SNX2: variants seen among roughly 807,000 people sequenced by gnomAD.
SNX2 encodes the protein sorting nexin-2.
SNX2 carries 25 observed loss-of-function variants against 69.9 expected under a neutral mutation model. That is an observed-to-expected ratio of 0.36 (90% CI 0.26 to 0.50). The LOEUF (loss-of-function observed/expected upper bound fraction) is 0.50, where lower values mean the gene tolerates loss of function less well. Ranked by LOEUF, SNX2 falls within the 20% of genes least tolerant of loss-of-function variation. SNX2 has a pLI of 0.97. For synonymous variants in SNX2, 229 were observed against 200.4 expected, an observed-to-expected ratio of 1.14 and a Z score of -1.20; for missense variants, 551 against 613.3, an observed-to-expected ratio of 0.90 and a Z score of 1.07.
At chr5:122,808,059 C>T (rs1275087743) in intron 6 of SNX2, among the ~76,000 whole-genome samples, 1 of 151,768 alleles carries the variant, frequency 6.6e-6, no homozygotes, top group Non-Finnish European at 1.5e-5. Context: ...AACATTTTAT[C>T]TGTTCTCTCA....
intron 5 of SNX2, among the ~76,000 whole-genome samples, chr5:122,802,451 G>A (rs953415898): frequency 6.6e-6 from 1 of 152,166 alleles, no homozygotes; most frequent in African/African-American, 2.4e-5. Context: ...AGAAAGCATT[G>A]TGCTTTCTAG....
Position 122,795,303 on chromosome 5 carries a change from C to A in SNX2, c.146C>A (p.Ala49Glu). ...TCTCCAGAACCAGCTAGTCTTCCTG[C>A]AGAAGATATTAGTGCAAACTCCAAT... ...PSSPEPASLP[A>E]EDISANSNGP... Residue 49 changes from alanine to glutamate, a missense_variant, in exon 2 of 15, where the codon GCA (alanine) becomes GAA (glutamate). Coordinates refer to ENST00000379516, the MANE Select transcript of SNX2 (RefSeq NM_003100.4). The A allele has an allele frequency of 6.2e-7, 1 of 1,613,550 alleles. No homozygotes were observed. Among genetic ancestry groups the A allele is most frequent in the Non-Finnish European group, 8.5e-7 (1 of 1,179,570 alleles).
intron 10 of SNX2, among the ~76,000 whole-genome samples, chr5:122,818,340 T>C (rs1239976944): frequency 6.6e-6 from 1 of 152,212 alleles, no homozygotes; most frequent in Non-Finnish European, 1.5e-5. Flanking sequence ...AAAATTTATG[T>C]TAATTGTGTA....
At chr5:122,823,780 G>A (rs1385213416) in intron 11 of SNX2, among the ~76,000 whole-genome samples, 1 of 9,794 alleles carries the variant, frequency 1.0e-4, no homozygotes. Flanking sequence ...ACATGTGGTC[G>A]TGTGTGTGTG....
chr5:122,830,442 C>T lies in SNX2; in HGVS notation c.*794C>T, dbSNP rs944049441. Reference sequence around the variant, plus strand: ...TTTTACAAGTCCCATGGATTTTGTTCATCTTCTCGTTATCTTCAGAATCTC... The same window carrying T: ...TTTTACAAGTCCCATGGATTTTGTTTATCTTCTCGTTATCTTCAGAATCTC... On this transcript the variant is annotated 3_prime_UTR_variant, in exon 15 of 15. Coordinates refer to ENST00000379516, the MANE Select transcript of SNX2 (RefSeq NM_003100.4). Among the ~76,000 whole-genome samples, 3 of 152,136 alleles carry T rather than the reference C, an allele frequency of 2.0e-5. No individual in the cohort carries two copies. Among genetic ancestry groups the T allele is most frequent in the South Asian group, 4.1e-4 (2 of 4,828 alleles).
chr5:122,800,493 T>C (rs1753481690), intron 3 of SNX2, among the ~76,000 whole-genome samples: 1 of 152,184 alleles, frequency 6.6e-6, no homozygotes, highest in Admixed American at 6.5e-5. Flanking sequence ...ATAATTCTAA[T>C]ATATGAACTT....
chr5:122,812,008 C>A (rs1753789219), intron 7 of SNX2, among the ~76,000 whole-genome samples: 1 of 152,046 alleles, frequency 6.6e-6, no homozygotes, highest in Admixed American at 6.5e-5. Flanking sequence ...TTAGGAAATT[C>A]TATTGCTTCT....
At chr5:122,793,016 T>C (rs10063253) in intron 1 of SNX2, among the ~76,000 whole-genome samples, 94,387 of 152,008 alleles carry the variant, frequency 0.62, 29,679 homozygotes, top group African/African-American at 0.7. Context: ...TTTCATATGC[T>C]GCTGGTGGGA....
At chr5:122,823,705 CGTGT>C (rs1391283227) in intron 11 of SNX2, among the ~76,000 whole-genome samples, 1 of 93,574 alleles carries the variant, frequency 1.1e-5, no homozygotes. Flanking sequence ...TTTTGGTGGT[CGTGT>C]GTATGTGGGT....
At chr5:122,802,265 G>A (rs1581634562) in intron 5 of SNX2, 141 bp downstream of exon 5, 1 of 761,438 alleles carries the variant, frequency 1.3e-6, no homozygotes, top group Non-Finnish European at 2.3e-6. Context: ...TAGGTGCAAT[G>A]AGTTGTGAGT....
chr5:122,811,123 G>A (rs1395229253), intron 7 of SNX2, among the ~76,000 whole-genome samples: 12 of 152,072 alleles, frequency 7.9e-5, no homozygotes, highest in Admixed American at 1.3e-4. Flanking sequence ...ATTTTTCTTC[G>A]TATTATTTTA....
chr5:122,797,809 C>T (rs1753417594), intron 2 of SNX2, among the ~76,000 whole-genome samples: 1 of 152,062 alleles, frequency 6.6e-6, no homozygotes, highest in African/African-American at 2.4e-5. Context: ...TTAAATTAAA[C>T]CTTATGAATT....
chr5:122,818,797 A>C, intron 10 of SNX2, 21 bp from the exon 11 acceptor site: 1 of 1,601,190 alleles, frequency 6.2e-7, no homozygotes, highest in Non-Finnish European at 8.5e-7. Flanking sequence ...CTAAAATTGC[A>C]TACTTTTTTT....
Position 122,789,413 on chromosome 5 carries a change from C to T in SNX2, c.109-5853C>T, listed in dbSNP as rs77856875. On this transcript the variant is annotated intron_variant, in intron 1 of 14. Coordinates refer to ENST00000379516, the MANE Select transcript of SNX2 (RefSeq NM_003100.4). Reference sequence around the variant, plus strand: ...CCCCACATTCTTCAGTTTACAAGACCGCCCCACCTTCCCCACCACACACAC... The same window carrying T: ...CCCCACATTCTTCAGTTTACAAGACTGCCCCACCTTCCCCACCACACACAC... Among the ~76,000 whole-genome samples, 232 of 151,130 alleles carry T rather than the reference C, an allele frequency of 1.5e-3. 1 individual carries two copies. Among genetic ancestry groups the T allele is most frequent in the African/African-American group, 5.4e-3 (221 of 41,164 alleles).
intron 1 of SNX2, among the ~76,000 whole-genome samples, chr5:122,787,370 A>T (rs182578999): frequency 5.6e-4 from 86 of 152,244 alleles, no homozygotes; most frequent in African/African-American, 1.9e-3. Context: ...AAATAAAAAA[A>T]TTAGCTAGAC....
At chr5:122,825,550 T>TA (rs1201152982) in intron 11 of SNX2, among the ~76,000 whole-genome samples, 1 of 152,090 alleles carries the variant, frequency 6.6e-6, no homozygotes. Flanking sequence ...TGTTATATTT[T>TA]ACGTTTTGAT....
chr5:122,784,876 T>C (rs1014931971), intron 1 of SNX2, among the ~76,000 whole-genome samples: 3 of 152,240 alleles, frequency 2.0e-5, no homozygotes, highest in Admixed American at 2.0e-4. Context: ...TTTTGTTTGT[T>C]GGAAGGCTTT....
rs1318136165 is a variant in SNX2 at position 122,833,879 on chromosome 5, G to C, written c.*4231G>C. On this transcript the variant is annotated 3_prime_UTR_variant, in exon 15 of 15. Coordinates refer to ENST00000379516, the MANE Select transcript of SNX2 (RefSeq NM_003100.4). ...TCCTAGTTGTTACTCTCAAGGGCAG[G>C]TATAATTTATGTGCAAGACTTTGTA... 1 of 152,184 alleles carries C rather than the reference G, an allele frequency of 6.6e-6. No individual in the cohort carries two copies. Among genetic ancestry groups the C allele is most frequent in the Non-Finnish European group, 1.5e-5 (1 of 68,024 alleles). 9.4% of individuals were successfully genotyped at this position (152,184 alleles called of 1,614,324 possible). A position where few individuals can be genotyped will look rare whatever the true frequency, so the allele number is the denominator to read the frequency against.
intron 1 of SNX2, among the ~76,000 whole-genome samples, chr5:122,788,645 C>A (rs1306174941): frequency 1.3e-5 from 2 of 152,176 alleles, no homozygotes; most frequent in African/African-American, 4.8e-5. Flanking sequence ...ATAGCAATAA[C>A]AACCCATTAT....
Sources: allele counts gnomAD v4.1 joint callset (sites outside exome capture counted in the v4.1 genomes callset), GRCh38; gene constraint gnomAD v4.1.1; transcripts MANE v1.5; gene names NCBI Gene and HGNC (gene_info 2026-07-23, HGNC 2026-07-21).